The following KAZN variants were observed in gnomAD, a reference collection of about 807,000 sequenced individuals.
KAZN encodes the protein kazrin.
KAZN carries 40 observed loss-of-function variants against 87.4 expected under a neutral mutation model. The observed-to-expected ratio is 0.46, with a 90% CI of 0.36 to 0.60. KAZN has a LOEUF of 0.60. KAZN is among the 20% of genes least tolerant of loss of function. KAZN has a pLI of 0.00. For missense variants in KAZN, 898 were observed against 1,073.9 expected (o/e 0.84, Z 2.29); for synonymous variants, 466 against 458.3 (o/e 1.02, Z -0.22).
chr1:14,673,967 G>A (rs1183347229), intron 1 of KAZN, among the ~76,000 whole-genome samples: 1 of 152,116 alleles, frequency 6.6e-6, no homozygotes, highest in South Asian at 2.1e-4. Context: ...TGATGCCCAG[G>A]GATGTGAGTT....
At chr1:14,488,823 C>A (rs550206711) in intron 2 of KAZN, among the ~76,000 whole-genome samples, 35 of 152,296 alleles carry the variant, frequency 2.3e-4, no homozygotes, top group Non-Finnish European at 3.4e-4. Context: ...CTTCCCATCA[C>A]CCCTTGGCCC....
At chr1:14,568,599 A>G (rs1002791659) in intron 2 of KAZN, among the ~76,000 whole-genome samples, 11 of 152,150 alleles carry the variant, frequency 7.2e-5, no homozygotes, top group African/African-American at 2.7e-4. Context: ...TGCCCCCATG[A>G]TTCAATTACC....
intron 8 of KAZN, among the ~76,000 whole-genome samples, chr1:15,090,536 T>G (rs937103367): frequency 1.3e-5 from 2 of 152,236 alleles, no homozygotes; most frequent in African/African-American, 4.8e-5. Flanking sequence ...CCCTGTCACC[T>G]GGCAGGAAGG....
chr1:15,098,088 G>A (rs1342007613), intron 10 of KAZN, among the ~76,000 whole-genome samples: 3 of 152,122 alleles, frequency 2.0e-5, no homozygotes, highest in Admixed American at 6.5e-5. Flanking sequence ...AGGAGAAAAC[G>A]GAGACCCAGA....
chr1:14,352,574 A>G (rs1336095047), intron 2 of KAZN, among the ~76,000 whole-genome samples: 3 of 152,210 alleles, frequency 2.0e-5, no homozygotes, highest in Non-Finnish European at 4.4e-5. Flanking sequence ...AACTTTTCAC[A>G]TATTATGACC....
chr1:15,112,917 G>A (rs4661577), intron 14 of KAZN: 172,086 of 189,602 alleles, frequency 0.91, 78,425 homozygotes, highest in South Asian at 0.98. Context: ...AGAGGGTTCC[G>A]GCGCAGCCCC....
At chr1:14,174,336 G>A (rs1380083740) in intron 1 of KAZN, among the ~76,000 whole-genome samples, 1 of 152,196 alleles carries the variant, frequency 6.6e-6, no homozygotes, top group African/African-American at 2.4e-5. Flanking sequence ...GAGATGGGGA[G>A]TAGAGAGGGA....
chr1:14,400,546 A>T (rs1663313237), intron 2 of KAZN, among the ~76,000 whole-genome samples: 1 of 152,196 alleles, frequency 6.6e-6, no homozygotes, highest in Non-Finnish European at 1.5e-5. Context: ...TCAGCAGCCC[A>T]CACTGAGCTG....
chr1:14,442,412 A>G (rs1468035511), intron 2 of KAZN, among the ~76,000 whole-genome samples: 1 of 152,238 alleles, frequency 6.6e-6, no homozygotes, highest in Non-Finnish European at 1.5e-5. Flanking sequence ...AGGGACTGTC[A>G]TAGAAGCTCA....
chr1:14,232,797 T>A (rs1647993794), intron 2 of KAZN, among the ~76,000 whole-genome samples: 1 of 152,142 alleles, frequency 6.6e-6, no homozygotes, highest in South Asian at 2.1e-4. Flanking sequence ...ACGGGCATTT[T>A]AAAATAAAGA....
At chr1:14,508,327 T>C (rs943044157) in intron 2 of KAZN, among the ~76,000 whole-genome samples, 36 of 152,182 alleles carry the variant, frequency 2.4e-4, no homozygotes, top group Non-Finnish European at 4.4e-4. Flanking sequence ...CCCGTCACTA[T>C]TGCTGTGCAA....
intron 2 of KAZN, among the ~76,000 whole-genome samples, chr1:14,417,524 G>C (rs1206249244): frequency 6.6e-6 from 1 of 152,176 alleles, no homozygotes; most frequent in South Asian, 2.1e-4. Context: ...AAACACATCA[G>C]CTCAAATGAC....
intron 1 of KAZN, among the ~76,000 whole-genome samples, chr1:14,024,555 C>T (rs1462799691): frequency 1.3e-5 from 2 of 152,150 alleles, no homozygotes; most frequent in Non-Finnish European, 2.9e-5. Context: ...TGAAAACAGT[C>T]AACAGGAAAG....
chr1:14,646,008 A>G (rs1680778656), intron 1 of KAZN, among the ~76,000 whole-genome samples: 2 of 152,190 alleles, frequency 1.3e-5, no homozygotes, highest in Admixed American at 6.5e-5. Flanking sequence ...AAAAGGTCAC[A>G]TAGTCTGTGG....
At chr1:14,626,953 C>T (rs1679187841) in intron 1 of KAZN, among the ~76,000 whole-genome samples, 1 of 152,132 alleles carries the variant, frequency 6.6e-6, no homozygotes, top group South Asian at 2.1e-4. Flanking sequence ...CTGTGTGCCC[C>T]TTTAGCACTC....
At chr1:13,907,972 T>A (rs1639509751) in intron 1 of KAZN, among the ~76,000 whole-genome samples, 1 of 152,252 alleles carries the variant, frequency 6.6e-6, no homozygotes, top group Non-Finnish European at 1.5e-5. Flanking sequence ...AAGACAGCAA[T>A]ACTGGTGCAC....
chr1:14,532,718 T>C (rs556011709), intron 2 of KAZN, among the ~76,000 whole-genome samples: 2 of 148,252 alleles, frequency 1.3e-5, no homozygotes, highest in Non-Finnish European at 3.0e-5. Context: ...GAACATGCAG[T>C]GTTTGGTTTT....
At chr1:14,808,178 C>T (rs1278493563) in intron 1 of KAZN, among the ~76,000 whole-genome samples, 1 of 151,746 alleles carries the variant, frequency 6.6e-6, no homozygotes, top group Non-Finnish European at 1.5e-5. Context: ...TGTGTGAAAG[C>T]AAAGGCGGTG....
intron 2 of KAZN, among the ~76,000 whole-genome samples, chr1:14,297,597 G>C (rs1009592312): frequency 1.3e-5 from 2 of 151,882 alleles, no homozygotes; most frequent in Non-Finnish European, 2.9e-5. Flanking sequence ...CTGGGACTCT[G>C]CTGACGGATG....
Sources: allele counts gnomAD v4.1 joint callset (sites outside exome capture counted in the v4.1 genomes callset), GRCh38; gene constraint gnomAD v4.1.1; transcripts MANE v1.5; gene names NCBI Gene and HGNC (gene_info 2026-07-23, HGNC 2026-07-21).